Variants in GAS2 observed in about 807,000 individuals in gnomAD.
GAS2 encodes the protein growth arrest specific 2, also known as growth arrest-specific protein 2.
In GAS2, 20 loss-of-function variants were observed where a neutral mutation model predicts 37.5. That is an observed-to-expected ratio of 0.53 (90% CI 0.37 to 0.77). The LOEUF (loss-of-function observed/expected upper bound fraction) is 0.77, where lower values mean the gene tolerates loss of function less well. Ranked by LOEUF, GAS2 falls within the 30% of genes least tolerant of loss-of-function variation. GAS2 has a pLI of 0.00. For synonymous variants in GAS2, 144 were observed against 132.2 expected (o/e 1.09, Z -0.61); for missense variants, 336 against 373.4 (o/e 0.90, Z 0.82).
At chr11:22,786,915 A>G (rs1855846020) in intron 7 of GAS2, among the ~76,000 whole-genome samples, 1 of 152,166 alleles carries the variant, frequency 6.6e-6, no homozygotes, top group South Asian at 2.1e-4. Context: ...AACAATGCAT[A>G]TTAGAATCAC....
At chr11:22,771,619 T>C (rs1248079811) in intron 7 of GAS2, among the ~76,000 whole-genome samples, 3 of 152,214 alleles carry the variant, frequency 2.0e-5, no homozygotes, top group African/African-American at 7.2e-5. Flanking sequence ...TTTTAAATAT[T>C]AATAATTATA....
intron 7 of GAS2, among the ~76,000 whole-genome samples, chr11:22,784,387 C>G (rs1855724873): frequency 6.6e-6 from 1 of 152,130 alleles, no homozygotes; most frequent in Non-Finnish European, 1.5e-5. Flanking sequence ...AACTAAAGTT[C>G]AAGGTACTTT....
chr11:22,744,942 A>G (rs1316028620), intron 5 of GAS2, among the ~76,000 whole-genome samples: 2 of 152,110 alleles, frequency 1.3e-5, no homozygotes, highest in Non-Finnish European at 2.9e-5. Context: ...CTCTACAAGA[A>G]GAACCACAAA....
chr11:22,732,776 CA>C (rs1169982320), intron 4 of GAS2, among the ~76,000 whole-genome samples: 9 of 104,910 alleles, frequency 8.6e-5, no homozygotes, highest in African/African-American at 3.0e-4. Flanking sequence ...CATTTATCAT[CA>C]TCATCATCAT....
At chr11:22,741,797 A>G (rs1590077534) in intron 5 of GAS2, among the ~76,000 whole-genome samples, 1 of 152,288 alleles carries the variant, frequency 6.6e-6, no homozygotes, top group Middle Eastern at 3.4e-3. Context: ...AAATTGCTTT[A>G]AAACAGAAGA....
intron 1 of GAS2, among the ~76,000 whole-genome samples, chr11:22,638,771 A>G (rs1858873213): frequency 6.6e-6 from 1 of 152,148 alleles, no homozygotes; most frequent in African/African-American, 2.4e-5. Context: ...ATGCACACCA[A>G]TTACAGCTCT....
At position 22,688,680 on chromosome 11, in the gene GAS2, A is replaced by T. The variant is rs891069023; in HGVS notation, c.267+2891A>T. 1.8e-4 allele frequency among the ~76,000 whole-genome samples: 28 copies of T among 152,334 alleles called. 1 individual carries two copies. Among genetic ancestry groups the T allele is most frequent in the African/African-American group, 6.0e-4 (25 of 41,580 alleles). ...AAACTGCAGCAAGTTATTAAACTTG[A>T]AATAGTTCCGTGAACCTGAGCAAAT... On this transcript the variant is annotated intron_variant, in intron 3 of 7. Coordinates refer to ENST00000454584, the MANE Select transcript of GAS2 (RefSeq NM_001143830.3).
intron 7 of GAS2, 105 bp downstream of exon 7, chr11:22,756,058 T>A: frequency 2.8e-6 from 2 of 715,524 alleles, no homozygotes; most frequent in Non-Finnish European, 4.6e-6. Context: ...GGTGCTTACG[T>A]TTAAAGATAC....
chr11:22,685,874 A>G (rs974416258), intron 3 of GAS2, 85 bp downstream of exon 3: 15 of 1,356,928 alleles, frequency 1.1e-5, no homozygotes, highest in Non-Finnish European at 1.5e-5. Context: ...TAAAAAATTT[A>G]TTGTGAACGG....
intron 1 of GAS2, among the ~76,000 whole-genome samples, chr11:22,638,759 A>T (rs1476170333): frequency 6.6e-6 from 1 of 152,170 alleles, no homozygotes; most frequent in Admixed American, 6.6e-5. Flanking sequence ...ATATTCAAGG[A>T]CATGCACACC....
At chr11:22,679,737 T>C (rs140477763) in intron 2 of GAS2, among the ~76,000 whole-genome samples, 2 of 152,120 alleles carry the variant, frequency 1.3e-5, no homozygotes, top group Non-Finnish European at 2.9e-5. Context: ...AGGATTATAG[T>C]TGTTAAACAT....
chr11:22,711,371 G>T (rs768481453), intron 3 of GAS2, among the ~76,000 whole-genome samples: 2 of 152,180 alleles, frequency 1.3e-5, no homozygotes, highest in Non-Finnish European at 2.9e-5. Flanking sequence ...TCTCACAGAG[G>T]TCCTTGGGGA....
intron 7 of GAS2, among the ~76,000 whole-genome samples, chr11:22,779,059 C>G (rs1456895100): frequency 8.5e-6 from 1 of 118,040 alleles, no homozygotes; most frequent in East Asian, 2.4e-4. Context: ...TTTTTTTTTT[C>G]TCTTCAGTGT....
At chr11:22,671,215 G>GAAAA (rs1369726868) in intron 1 of GAS2, among the ~76,000 whole-genome samples, 2 of 151,884 alleles carry the variant, frequency 1.3e-5, no homozygotes, top group East Asian at 3.9e-4. Flanking sequence ...TGGAAAGAAA[G>GAAAA]AAAAAATATA....
At chr11:22,732,770 T>TATCATCATCATCATCATC (rs35919121) in intron 4 of GAS2, among the ~76,000 whole-genome samples, 2 of 145,826 alleles carry the variant, frequency 1.4e-5, no homozygotes, top group Non-Finnish European at 3.0e-5. Flanking sequence ...CCCCTCCATT[T>TATCATCATCATCATCATC]ATCATCATCA....
chr11:22,675,312 C>T (rs750361866), intron 2 of GAS2, among the ~76,000 whole-genome samples: 2 of 152,132 alleles, frequency 1.3e-5, no homozygotes, highest in Non-Finnish European at 2.9e-5. Context: ...TTCTTTCATG[C>T]AGCTGACCAA....
chr11:22,645,787 C>T (rs1299407388), intron 1 of GAS2, among the ~76,000 whole-genome samples: 1 of 150,432 alleles, frequency 6.6e-6, no homozygotes, highest in East Asian at 1.9e-4. Context: ...AGTTTTCTGA[C>T]TTGGTGTTCT....
intron 7 of GAS2, among the ~76,000 whole-genome samples, chr11:22,775,226 G>C (rs1401270958): frequency 1.3e-5 from 2 of 152,210 alleles, no homozygotes; most frequent in Non-Finnish European, 2.9e-5. Flanking sequence ...TCAGGCTGTA[G>C]TGCAGATAAT....
chr11:22,732,964 A>G (rs1026747361), intron 4 of GAS2, among the ~76,000 whole-genome samples: 1 of 151,722 alleles, frequency 6.6e-6, no homozygotes, highest in African/African-American at 2.4e-5. Context: ...TTTAGTGTAT[A>G]TACACATCAC....
Sources: gnomAD v4.1 joint callset for allele counts (sites outside exome capture counted in the v4.1 genomes callset) on GRCh38, gnomAD v4.1.1 for gene constraint, MANE v1.5 for transcripts, NCBI Gene and HGNC (gene_info 2026-07-23, HGNC 2026-07-21) for gene names.